Variants in ASXL2 observed in about 807,000 individuals in gnomAD.
ASXL2 encodes the protein putative Polycomb group protein ASXL2.
Under a neutral mutation model 122.0 loss-of-function variants are expected in ASXL2, and 23 were observed. The observed-to-expected ratio is 0.19, with a 90% CI of 0.14 to 0.27. The LOEUF (loss-of-function observed/expected upper bound fraction) is 0.27. ASXL2 is among the 10% of genes least tolerant of loss of function. The pLI is 1.00. For synonymous variants in ASXL2, 650 were observed against 637.0 expected, an observed-to-expected ratio of 1.02 and a Z score of -0.31; for missense variants, 1,518 against 1,713.8, an observed-to-expected ratio of 0.89 and a Z score of 2.02.
At chr2:25,854,262 G>A (rs2089752129) in intron 1 of ASXL2, among the ~76,000 whole-genome samples, 2 of 152,158 alleles carry the variant, frequency 1.3e-5, no homozygotes, top group Admixed American at 1.3e-4. Flanking sequence ...AAACTCTTTA[G>A]AGTTAATAAC....
At chr2:25,781,941 C>T (rs992537812) in intron 5 of ASXL2, among the ~76,000 whole-genome samples, 2 of 128,796 alleles carry the variant, frequency 1.6e-5, no homozygotes, top group African/African-American at 2.9e-5. Context: ...GGATAACAGG[C>T]GTGAGCCACC....
chr2:25,848,345 G>T (rs992911959), intron 1 of ASXL2, among the ~76,000 whole-genome samples: 2 of 152,064 alleles, frequency 1.3e-5, no homozygotes, highest in African/African-American at 4.8e-5. Context: ...GAGACCGGCT[G>T]GGCGCGGTGG....
Position 25,850,336 on chromosome 2 carries a change from T to C in ASXL2, c.58-4773A>G, listed in dbSNP as rs375809980. Among the ~76,000 whole-genome samples the C allele has an allele frequency of 2.6e-5, 4 of 152,334 alleles. No homozygotes were observed. The East Asian group carries it at 7.7e-4, about 29-fold the overall frequency. ...ACATATACTGCATTTGGCTAACACA[T>C]GTCTTGAAGTATCTTTTAATCTATG... On this transcript the variant is annotated intron_variant, in intron 1 of 12. Transcript: ENST00000435504.
intron 1 of ASXL2, among the ~76,000 whole-genome samples, chr2:25,855,980 G>A (rs976679668): frequency 1.3e-5 from 2 of 151,458 alleles, no homozygotes; most frequent in African/African-American, 2.4e-5. Flanking sequence ...CACAGCCTCC[G>A]TCTCCCGGGT....
intron 3 of ASXL2, among the ~76,000 whole-genome samples, chr2:25,818,679 T>C (rs942237022): frequency 1.3e-5 from 2 of 152,050 alleles, no homozygotes; most frequent in Non-Finnish European, 2.9e-5. Flanking sequence ...GGGGGAGAAT[T>C]CCTCACAGTA....
chr2:25,861,967 T>C (rs1161517367), intron 1 of ASXL2, among the ~76,000 whole-genome samples: 1 of 152,222 alleles, frequency 6.6e-6, no homozygotes, highest in African/African-American at 2.4e-5. Flanking sequence ...AGTACTGTAC[T>C]GTATCAGATG....
intron 5 of ASXL2, among the ~76,000 whole-genome samples, chr2:25,785,428 G>T (rs1574415639): frequency 1.3e-5 from 2 of 151,800 alleles, no homozygotes; most frequent in Non-Finnish European, 2.9e-5. Context: ...TTTCACCATG[G>T]TGGCCAGGCT....
intron 5 of ASXL2, among the ~76,000 whole-genome samples, chr2:25,773,775 A>G (rs1239193409): frequency 2.0e-5 from 3 of 151,898 alleles, no homozygotes; most frequent in African/African-American, 7.3e-5. Flanking sequence ...GGCGGCTCAC[A>G]CCTATAATCC....
At chr2:25,785,521 AC>A (rs1559510781) in intron 5 of ASXL2, among the ~76,000 whole-genome samples, 1 of 148,574 alleles carries the variant, frequency 6.7e-6, no homozygotes. Flanking sequence ...CACTGTGCCC[AC>A]CCCCCAAACC....
At chr2:25,784,463 C>T (rs2088706597) in intron 5 of ASXL2, among the ~76,000 whole-genome samples, 1 of 152,158 alleles carries the variant, frequency 6.6e-6, no homozygotes, top group Admixed American at 6.6e-5. Flanking sequence ...ATGAACTTTA[C>T]TCCCTATGTT....
At chr2:25,764,591 C>G (rs1257427345) in intron 8 of ASXL2, among the ~76,000 whole-genome samples, 1 of 152,084 alleles carries the variant, frequency 6.6e-6, no homozygotes, top group Non-Finnish European at 1.5e-5. Context: ...AAATGGAATA[C>G]CACTGATGAT....
intron 2 of ASXL2, among the ~76,000 whole-genome samples, chr2:25,844,612 A>G (rs35514208): frequency 0.39 from 58,925 of 150,670 alleles, 13,152 homozygotes; most frequent in Non-Finnish European, 0.51. Flanking sequence ...AAACAAAAAA[A>G]AACACACACA....
At chr2:25,863,134 C>T (rs2149200724) in intron 1 of ASXL2, among the ~76,000 whole-genome samples, 1 of 151,492 alleles carries the variant, frequency 6.6e-6, no homozygotes. Flanking sequence ...TCGAGACCAT[C>T]CTAGCTAACA....
chr2:25,856,816 C>A (rs1311487148), intron 1 of ASXL2: 1 of 1,114,064 alleles, frequency 9.0e-7, no homozygotes, highest in African/African-American at 1.5e-5. Flanking sequence ...GTCAGGTCAT[C>A]CCCCACAATC....
At position 25,743,268 on chromosome 2, in the gene ASXL2, G is replaced by T; in HGVS notation, c.3069C>A (p.Thr1023=). The change falls in exon 13 of 13, where the codon ACC becomes ACA. Residue 1023 remains threonine (T), a synonymous_variant. Coordinates refer to ENST00000435504, the MANE Select transcript of ASXL2 (RefSeq NM_018263.6). ...CCTGGGGGAGCTGCTTACTTTGCAA[G>T]GTTTTGCCCAGCTGCTGCTGCGTAG... ...HPATQQQLGK[T]LQSKQLPQVP... The T allele has an allele frequency of 6.2e-7, 1 of 1,613,724 alleles. No individual in the cohort carries two copies. Among genetic ancestry groups the T allele is most frequent in the Non-Finnish European group, 8.5e-7 (1 of 1,179,734 alleles).
chr2:25,815,856 C>T lies in ASXL2; in HGVS notation c.144-9519G>A, dbSNP rs145222098. Among the ~76,000 whole-genome samples, 534 of 152,134 alleles carry T rather than the reference C, an allele frequency of 3.5e-3. 2 individuals carry two copies. Among genetic ancestry groups the T allele is most frequent in the Middle Eastern group, 0.027 (8 of 294 alleles). On this transcript the variant is annotated intron_variant, in intron 3 of 12. Coordinates refer to ENST00000435504, the MANE Select transcript of ASXL2 (RefSeq NM_018263.6). ...TCCTGTCATTTACAGCTGGAAGTAT[C>T]TTAATAGATACAAAGCACCTACATA...
Position 25,750,289 on chromosome 2 carries a change from C to G in ASXL2, c.1267G>C (p.Val423Leu). 1 of 1,614,004 alleles carries G rather than the reference C, an allele frequency of 6.2e-7. No homozygotes were observed. The highest frequency in any genetic ancestry group is 8.5e-7 in the Non-Finnish European group (1 of 1,179,878). Residue 423 changes from valine to leucine, a missense_variant, in exon 12 of 13, where the codon GTT becomes CTT. Coordinates refer to ENST00000435504, the MANE Select transcript of ASXL2 (RefSeq NM_018263.6). ...CACTCTGACTGGGAGACTACTGGAA[C>G]TATTCTGATAAGAGAGGCCTCTGAC... ...PVSEASLIRI[V>L]PVVSQSECKE...
chr2:25,755,636 T>C (rs1449626747), intron 10 of ASXL2, among the ~76,000 whole-genome samples: 3 of 152,224 alleles, frequency 2.0e-5, no homozygotes, highest in African/African-American at 7.2e-5. Flanking sequence ...ATCTCACTGC[T>C]TACCAAACTG....
intron 3 of ASXL2, among the ~76,000 whole-genome samples, chr2:25,835,219 CTAAA>C (rs1348588365): frequency 5.3e-5 from 8 of 152,150 alleles, no homozygotes; most frequent in Non-Finnish European, 1.2e-4. Flanking sequence ...TTCCAGTCTA[CTAAA>C]TACTTTCATT....
Sources: gnomAD v4.1 joint callset for allele counts (sites outside exome capture counted in the v4.1 genomes callset) on GRCh38, gnomAD v4.1.1 for gene constraint, MANE v1.5 for transcripts, NCBI Gene and HGNC (gene_info 2026-07-23, HGNC 2026-07-21) for gene names.